FAM177B: variants seen among roughly 807,000 people sequenced by gnomAD.
The protein encoded by FAM177B is family with sequence similarity 177 member B, also known as protein FAM177B.
Under a neutral mutation model 16.1 loss-of-function variants are expected in FAM177B, and 16 were observed. That is an observed-to-expected ratio of 0.99 (90% CI 0.67 to 1.51). The LOEUF (loss-of-function observed/expected upper bound fraction) is 1.51. Among genes scored for constraint, FAM177B ranks in the 40% most tolerant of loss-of-function variants. The pLI is 0.00. For synonymous variants in FAM177B, 56 were observed against 59.9 expected, an observed-to-expected ratio of 0.93 and a Z score of 0.30; for missense variants, 178 against 183.7, an observed-to-expected ratio of 0.97 and a Z score of 0.18.
chr1:222,741,064 T>C lies in FAM177B; in HGVS notation c.-16+3043T>C, dbSNP rs1413622520. Among the ~76,000 whole-genome samples the C allele has an allele frequency of 1.6e-3, 221 of 137,432 alleles. 5 individuals are homozygous for C. The South Asian group carries it at 0.024, about 15-fold the overall frequency. 90.2% of individuals were successfully genotyped at this position (137,432 alleles called of 152,430 possible). A position where few individuals can be genotyped will look rare whatever the true frequency, so the allele number is the denominator to read the frequency against. The stretch of plus-strand genomic sequence containing the variant: ...CATCTTACTTTTTGTTTTCTTTTTT[T>C]TTTTTTTTTTTTTTGAGACAGTCTT... On this transcript the variant is annotated intron_variant, in intron 2 of 5. Transcript: ENST00000445590.
Position 222,750,859 on chromosome 1 carries a change from A to G in FAM177B, c.*801A>G, listed in dbSNP as rs1262015096. On this transcript the variant is annotated 3_prime_UTR_variant, in exon 6 of 6. Coordinates refer to ENST00000445590, the MANE Select transcript of FAM177B (RefSeq NM_001394345.1). ...CCTGCAGTAGTAAGACATGAGTTCC[A>G]GTTTCACTTCTCCCATTTACTAGTT... The G allele has an allele frequency of 2.0e-5, 3 of 152,086 alleles. No homozygotes were observed. The highest frequency in any genetic ancestry group is 7.3e-5 in the African/African-American group (3 of 41,352). The allele number at this position is 152,086 out of a possible 1,614,324, so 9.4% of individuals were successfully genotyped here.
intron 4 of FAM177B, among the ~76,000 whole-genome samples, chr1:222,747,665 T>A (rs774786029): frequency 8.5e-5 from 13 of 152,238 alleles, no homozygotes; most frequent in Non-Finnish European, 1.5e-4. Flanking sequence ...ACTCATTTCC[T>A]TCTAACTTGC....
At chr1:222,741,828 T>G (rs1180970837) in intron 2 of FAM177B, among the ~76,000 whole-genome samples, 1 of 149,298 alleles carries the variant, frequency 6.7e-6, no homozygotes, top group East Asian at 2.0e-4. Context: ...TCTTTCTTTT[T>G]TCTTTCTTTC....
chr1:222,748,903 T>C (rs958925747), intron 4 of FAM177B: 1 of 387,082 alleles, frequency 2.6e-6, no homozygotes, highest in Non-Finnish European at 5.3e-6. Context: ...AGGAGACTTC[T>C]TTAGGAAACC....
chr1:222,749,875 T>A, intron 5 of FAM177B, 46 bp from the exon 6 acceptor site: 1 of 1,602,610 alleles, frequency 6.2e-7, no homozygotes, highest in Non-Finnish European at 8.5e-7. Context: ...AGTTCAGAGG[T>A]CTTTGTTTGT....
chr1:222,745,465 T>A (rs1279308255), intron 2 of FAM177B, among the ~76,000 whole-genome samples: 2 of 152,026 alleles, frequency 1.3e-5, no homozygotes, highest in African/African-American at 4.8e-5. Context: ...AAATTTTTTT[T>A]AATTAGCCAG....
At chr1:222,741,044 T>TA (rs1247000648) in intron 2 of FAM177B, among the ~76,000 whole-genome samples, 2 of 145,156 alleles carry the variant, frequency 1.4e-5, no homozygotes, top group Non-Finnish European at 3.0e-5. Flanking sequence ...TATTGCATCT[T>TA]ACTTTTTGTT....
At chr1:222,744,301 T>C (rs776767544) in intron 2 of FAM177B, among the ~76,000 whole-genome samples, 13 of 151,932 alleles carry the variant, frequency 8.6e-5, no homozygotes, top group Non-Finnish European at 1.8e-4. Context: ...TGAAACCCCG[T>C]CTCTAGTAAA....
Position 222,739,736 on chromosome 1 carries a change from A to G in FAM177B, c.-16+1715A>G, listed in dbSNP as rs189791196. The G allele has an allele frequency of 2.6e-5, 4 of 152,308 alleles. No homozygotes were observed. The East Asian group carries it at 7.7e-4, about 29-fold the overall frequency. The allele number at this position is 152,308 out of a possible 1,614,324, so 9.4% of individuals were successfully genotyped here. A position where few individuals can be genotyped will look rare whatever the true frequency, so the allele number is the denominator to read the frequency against. ...CAGCCTACAGAACCCTTAACTCTTA[A>G]ATTTATCATCTATTGAACAATTTCT... On this transcript the variant is annotated intron_variant, in intron 2 of 5. Transcript: ENST00000445590.
chr1:222,748,182 C>T (rs183932473), intron 4 of FAM177B, among the ~76,000 whole-genome samples: 1 of 152,132 alleles, frequency 6.6e-6, no homozygotes, highest in East Asian at 1.9e-4. Context: ...GTTGAAAATC[C>T]CGTGAATACC....
chr1:222,744,545 C>T (rs1357952378), intron 2 of FAM177B, among the ~76,000 whole-genome samples: 1 of 151,122 alleles, frequency 6.6e-6, no homozygotes, highest in African/African-American at 2.4e-5. Context: ...CTGACATATA[C>T]ACTGCTAAGT....
chr1:222,750,087 C>T lies in FAM177B; in HGVS notation c.*29C>T, dbSNP rs761670593. On this transcript the variant is annotated 3_prime_UTR_variant, in exon 6 of 6. Coordinates refer to ENST00000445590, the MANE Select transcript of FAM177B (RefSeq NM_001394345.1). ...ACCTCATCCAGGGAGGGTCTGGTGG[C>T]AGATCCTAGCTCATGATGGCAGCAA... 4 of 1,603,928 alleles carry T rather than the reference C, an allele frequency of 2.5e-6. No homozygotes were observed. In the South Asian group the frequency reaches 4.4e-5, roughly 18 times the overall value.
chr1:222,743,111 G>C (rs1341180766), intron 2 of FAM177B, among the ~76,000 whole-genome samples: 1 of 152,044 alleles, frequency 6.6e-6, no homozygotes, highest in Non-Finnish European at 1.5e-5. Flanking sequence ...TTTACAATAA[G>C]CACATCCTCA....
chr1:222,746,501 C>T, intron 2 of FAM177B, 30 bp from the exon 3 acceptor site: 5 of 1,365,504 alleles, frequency 3.7e-6, no homozygotes, highest in Non-Finnish European at 4.1e-6. Context: ...GGGTAACTTG[C>T]CCTAAGGTGC....
Position 222,747,132 on chromosome 1 carries a change from G to A in FAM177B, c.241+51G>A, listed in dbSNP as rs756108106. On this transcript the variant is annotated intron_variant, in intron 4 of 5. Coordinates refer to ENST00000445590, the MANE Select transcript of FAM177B (RefSeq NM_001394345.1). ...TCTATCCTAAACAAATATATATATCGATAGGCCCTCAGAGTATGTGGGACT... is the reference window on the plus strand; with the variant it reads ...TCTATCCTAAACAAATATATATATCAATAGGCCCTCAGAGTATGTGGGACT... 9.0e-6 allele frequency: 11 copies of A among 1,224,338 alleles called. No individual in the cohort carries two copies. The Middle Eastern group carries it at 7.5e-4, about 83-fold the overall frequency. The allele number at this position is 1,224,338 out of a possible 1,614,324, so 75.8% of individuals were successfully genotyped here.
chr1:222,745,849 G>C (rs1035407337), intron 2 of FAM177B, among the ~76,000 whole-genome samples: 1 of 152,192 alleles, frequency 6.6e-6, no homozygotes, highest in African/African-American at 2.4e-5. Context: ...AGGAGGCAGA[G>C]GTTGCGGTGA....
At chr1:222,747,149 T>A (rs1268481480) in intron 4 of FAM177B, 68 bp downstream of exon 4, 6 of 1,060,660 alleles carry the variant, frequency 5.7e-6, no homozygotes, top group Non-Finnish European at 8.9e-6. Context: ...CCTCAGAGTA[T>A]GTGGGACTTC....
At chr1:222,743,990 C>T (rs1051293831) in intron 2 of FAM177B, among the ~76,000 whole-genome samples, 2 of 152,002 alleles carry the variant, frequency 1.3e-5, no homozygotes, top group African/African-American at 4.8e-5. Flanking sequence ...CTTTCAACCC[C>T]CTGCCCCTCT....
In FAM177B at chr1:222,750,696, T is replaced by A; in HGVS notation, c.*638T>A. ...TTAATGGATTATTTTCTTATTTATT[T>A]GTCAAGAAATTTTCAAAACCTGGAA... On this transcript the variant is annotated 3_prime_UTR_variant, in exon 6 of 6. Coordinates refer to ENST00000445590, the MANE Select transcript of FAM177B (RefSeq NM_001394345.1). The A allele has an allele frequency of 2.0e-6, 1 of 509,634 alleles. No individual in the cohort carries two copies. Among genetic ancestry groups the A allele is most frequent in the Non-Finnish European group, 2.5e-6 (1 of 395,560 alleles). The allele number at this position is 509,634 out of a possible 1,614,324, so 31.6% of individuals were successfully genotyped here. A position where few individuals can be genotyped will look rare whatever the true frequency, so the allele number is the denominator to read the frequency against.
Sources: allele counts gnomAD v4.1 joint callset (sites outside exome capture counted in the v4.1 genomes callset), GRCh38; gene constraint gnomAD v4.1.1; transcripts MANE v1.5; gene names NCBI Gene and HGNC (gene_info 2026-07-23, HGNC 2026-07-21).